The following NR1I2 variants were observed in gnomAD, a reference collection of about 807,000 sequenced individuals.
NR1I2 encodes nuclear receptor subfamily 1 group I member 2, also known as orphan nuclear receptor PAR1.
NR1I2 carries 42 observed loss-of-function variants against 43.3 expected under a neutral mutation model. That is an observed-to-expected ratio of 0.97 (90% CI 0.76 to 1.26). The LOEUF is 1.26. Ranked by LOEUF, NR1I2 falls within the 50% of genes most tolerant of loss-of-function variation. The probability of loss-of-function intolerance (pLI) is 0.00; values close to 1 mark genes in which losing one functional copy is unlikely to be tolerated. For synonymous variants in NR1I2, 229 were observed against 215.0 expected (o/e 1.06, Z -0.57); for missense variants, 559 against 566.7 (o/e 0.99, Z 0.14).
chr3:119,809,257 C>G (rs1440103613), intron 2 of NR1I2, among the ~76,000 whole-genome samples: 1 of 152,100 alleles, frequency 6.6e-6, no homozygotes, highest in Admixed American at 6.5e-5. Flanking sequence ...TTTTGTGGGA[C>G]AGGCAGGACT....
At position 119,812,773 on chromosome 3, in the gene NR1I2, C is replaced by G. The variant is rs201940328; in HGVS notation, c.607C>G (p.Arg203Gly). The stretch of plus-strand genomic sequence containing the variant: ...AGAAGCTGCCAAGTGGAGCCAGGTC[C>G]GGAAAGATCTGTGCTCTTTGAAGGT... The change falls in exon 5 of 9, where the codon CGG becomes GGG. Residue 203 changes from arginine to glycine, a missense_variant. Physicochemically the swap from Arg to Gly is moderately radical, Grantham distance 125. This residue lies in a region of NR1I2 where 323 missense variants were observed against 312.2 expected (regional missense o/e 1.03). Coordinates refer to ENST00000393716, the MANE Select transcript of NR1I2 (RefSeq NM_003889.4). 6.2e-7 allele frequency: 1 copy of G among 1,614,170 alleles called. No individual in the cohort carries two copies. Among genetic ancestry groups the G allele is most frequent in the Non-Finnish European group, 8.5e-7 (1 of 1,180,032 alleles).
In NR1I2 at chr3:119,817,979, C is replaced by G; in HGVS notation, c.*767C>G. 1.0e-6 allele frequency: 1 copy of G among 985,356 alleles called. No individual in the cohort carries two copies. 61.0% of individuals were successfully genotyped at this position (985,356 alleles called of 1,614,324 possible). A position where few individuals can be genotyped will look rare whatever the true frequency, so the allele number is the denominator to read the frequency against. On this transcript the variant is annotated 3_prime_UTR_variant, in exon 9 of 9. Transcript: ENST00000393716. ...AAACAGAAACACAAACGATTTGGATCAAAAGGAGAAATGATAAGTGACAAA... is the reference window on the plus strand; with the variant it reads ...AAACAGAAACACAAACGATTTGGATGAAAAGGAGAAATGATAAGTGACAAA...
chr3:119,795,018 G>A (rs567536069), intron 1 of NR1I2, among the ~76,000 whole-genome samples: 7 of 152,270 alleles, frequency 4.6e-5, no homozygotes, highest in African/African-American at 7.2e-5. Flanking sequence ...CAGAACCCAC[G>A]TAAGCTGACT....
intron 3 of NR1I2, 133 bp downstream of exon 3, chr3:119,810,327 G>A: frequency 7.3e-7 from 1 of 1,371,010 alleles, no homozygotes; most frequent in Non-Finnish European, 9.7e-7. Context: ...CATGTGAGCT[G>A]GTGTCCGTGT....
intron 5 of NR1I2, 61 bp from the exon 6 acceptor site, chr3:119,814,918 G>C (rs1476263878): frequency 1.2e-6 from 2 of 1,608,270 alleles, no homozygotes; most frequent in Non-Finnish European, 8.5e-7. Context: ...GATGGCTGCT[G>C]GTGCCGGTCT....
At chr3:119,789,542 A>C (rs1004164121) in intron 1 of NR1I2, among the ~76,000 whole-genome samples, 1 of 152,236 alleles carries the variant, frequency 6.6e-6, no homozygotes, top group African/African-American at 2.4e-5. Context: ...CCATGATTCA[A>C]TTACCTTCCA....
At chr3:119,786,940 A>T (rs980497166) in intron 1 of NR1I2, among the ~76,000 whole-genome samples, 1 of 152,226 alleles carries the variant, frequency 6.6e-6, no homozygotes, top group Non-Finnish European at 1.5e-5. Context: ...GTGAAAAAAC[A>T]ACTTGCATCA....
At chr3:119,783,362 T>G (rs2054803345) in intron 1 of NR1I2, among the ~76,000 whole-genome samples, 1 of 151,746 alleles carries the variant, frequency 6.6e-6, no homozygotes, top group African/African-American at 2.4e-5. Context: ...GTTTTTGCCC[T>G]ACAACATCCT....
intron 1 of NR1I2, among the ~76,000 whole-genome samples, chr3:119,804,701 C>T (rs2055127446): frequency 6.6e-6 from 1 of 152,032 alleles, no homozygotes; most frequent in South Asian, 2.1e-4. Context: ...CTGCCTCTGC[C>T]TCCCAAAGTG....
At position 119,812,908 on chromosome 3, in the gene NR1I2, A is replaced by G. The variant is rs1271748693; in HGVS notation, c.742A>G (p.Thr248Ala). ...GCTGCCCCACATGGCTGACATGTCAACCTACATGTTCAAAGGCATCATCAG... is the reference window on the plus strand; with the variant it reads ...GCTGCCCCACATGGCTGACATGTCAGCCTACATGTTCAAAGGCATCATCAG... Residue 248 changes from threonine to alanine, a missense_variant, in exon 5 of 9, where the codon ACC (threonine) becomes GCC (alanine). By Grantham distance (58) the Thr-to-Ala change is moderately conservative (BLOSUM62 0). Around this residue, in one of 3 missense-constraint regions of NR1I2, gnomAD observed 323 missense variants for 312.2 expected, o/e 1.03. Transcript: ENST00000393716. 4 of 1,613,952 alleles carry G rather than the reference A, an allele frequency of 2.5e-6. No individual in the cohort carries two copies. Among genetic ancestry groups the G allele is most frequent in the Non-Finnish European group, 3.4e-6 (4 of 1,180,014 alleles).
chr3:119,803,177 A>G (rs1225788011), intron 1 of NR1I2, among the ~76,000 whole-genome samples: 2 of 108,136 alleles, frequency 1.8e-5, no homozygotes, highest in African/African-American at 9.0e-5. Context: ...ACTAAAAATG[A>G]AAAAAAAAAA....
At chr3:119,795,966 C>T (rs2054993348) in intron 1 of NR1I2, among the ~76,000 whole-genome samples, 2 of 152,178 alleles carry the variant, frequency 1.3e-5, no homozygotes, top group African/African-American at 2.4e-5. Flanking sequence ...GTATCTGCAG[C>T]ACTCACCCGT....
intron 5 of NR1I2, among the ~76,000 whole-genome samples, 159 bp from the exon 6 acceptor site, chr3:119,814,820 T>G (rs942227988): frequency 2.6e-5 from 4 of 151,802 alleles, no homozygotes; most frequent in Non-Finnish European, 2.9e-5. Flanking sequence ...AGGGGAGAGA[T>G]GAGAGGCAGC....
chr3:119,810,488 T>G, intron 3 of NR1I2: 1 of 472,684 alleles, frequency 2.1e-6, no homozygotes, highest in Non-Finnish European at 3.8e-6. Context: ...ATTCTTTTTG[T>G]CCCCTTCATA....
At chr3:119,810,497 T>C (rs561972660) in intron 3 of NR1I2, 30 of 440,402 alleles carry the variant, frequency 6.8e-5, no homozygotes, top group Non-Finnish European at 8.2e-5. Context: ...GTCCCCTTCA[T>C]AATTGTTGTA....
Position 119,815,063 on chromosome 3 carries a change from C to A in NR1I2, c.879C>A (p.Asn293Lys). The change falls in exon 6 of 9, where the codon AAC becomes AAA. Residue 293 changes from asparagine (N) to lysine (K), a missense_variant. Transcript: ENST00000393716. ...AACTGAGATTCAACACAGTGTTCAA[C>A]GCGGAGACTGGAACCTGGGAGTGTG... The A allele has an allele frequency of 6.2e-7, 1 of 1,614,130 alleles. No individual in the cohort carries two copies. The highest frequency in any genetic ancestry group is 8.5e-7 in the Non-Finnish European group (1 of 1,180,022).
At chr3:119,784,771 C>T (rs945749539) in intron 1 of NR1I2, among the ~76,000 whole-genome samples, 1 of 152,184 alleles carries the variant, frequency 6.6e-6, no homozygotes, top group African/African-American at 2.4e-5. Flanking sequence ...AATATCACCT[C>T]TATCATGTAC....
intron 1 of NR1I2, chr3:119,782,980 C>G: frequency 1.3e-6 from 1 of 781,206 alleles, no homozygotes; most frequent in Non-Finnish European, 2.2e-6. Flanking sequence ...GAAGCTATGG[C>G]CAGAGGCACT....
chr3:119,817,187 A>G lies in NR1I2; in HGVS notation c.1280A>G (p.Glu427Gly). Residue 427 changes from glutamate to glycine, a missense_variant, in exon 9 of 9, where the codon GAG becomes GGG. By Grantham distance (98) the Glu-to-Gly change is moderately conservative. Around this residue, in one of 3 missense-constraint regions of NR1I2, gnomAD observed 323 missense variants for 312.2 expected, o/e 1.03. Transcript: ENST00000393716. ...CCCTTTGCTACGCCCCTCATGCAGG[A>G]GTTGTTCGGCATCACAGGTAGCTGA... is the stretch of plus-strand genomic sequence containing the variant. 1 of 1,613,994 alleles carries G rather than the reference A, an allele frequency of 6.2e-7. No homozygotes were observed. The highest frequency in any genetic ancestry group is 8.5e-7 in the Non-Finnish European group (1 of 1,180,008).
Sources: gnomAD v4.1 joint callset for allele counts (sites outside exome capture counted in the v4.1 genomes callset) on GRCh38, gnomAD v4.1.1 for gene constraint, gnomAD v4.1.1 regional missense constraint, MANE v1.5 for transcripts, NCBI Gene and HGNC (gene_info 2026-07-23, HGNC 2026-07-21) for gene names.